The following FAM163A variants were observed in gnomAD, a reference collection of about 807,000 sequenced individuals.
The protein encoded by FAM163A is protein FAM163A.
FAM163A carries 7 observed loss-of-function variants against 12.0 expected under a neutral mutation model. The observed-to-expected ratio is 0.58, with a 90% confidence interval of 0.33 to 1.10. The LOEUF (loss-of-function observed/expected upper bound fraction) is 1.10, where lower values mean the gene tolerates loss of function less well. Ranked by LOEUF, FAM163A falls within the 50% of genes least tolerant of loss-of-function variation. The probability of loss-of-function intolerance (pLI) is 0.03; values close to 1 mark genes in which losing one functional copy is unlikely to be tolerated. For synonymous variants in FAM163A, 101 were observed against 91.0 expected (o/e 1.11, Z -0.62); for missense variants, 202 against 218.6 (o/e 0.92, Z 0.48).
At chr1:179,776,555 C>T (rs1418941645) in intron 1 of FAM163A, among the ~76,000 whole-genome samples, 2 of 151,834 alleles carry the variant, frequency 1.3e-5, no homozygotes, top group Non-Finnish European at 2.9e-5. Context: ...CACTTATGGC[C>T]ACTTATCCCC....
chr1:179,753,832 A>G (rs866424554), intron 1 of FAM163A, among the ~76,000 whole-genome samples: 1 of 152,188 alleles, frequency 6.6e-6, no homozygotes, highest in Non-Finnish European at 1.5e-5. Context: ...GAGAAAGATG[A>G]TAATATTGGA....
chr1:179,812,449 A>G (rs958109636), intron 3 of FAM163A, among the ~76,000 whole-genome samples: 1 of 152,114 alleles, frequency 6.6e-6, no homozygotes, highest in Admixed American at 6.5e-5. Context: ...TACCCCCAAA[A>G]GAAGTGCTGG....
At chr1:179,811,612 C>T (rs1418351454) in intron 2 of FAM163A, among the ~76,000 whole-genome samples, 3 of 152,156 alleles carry the variant, frequency 2.0e-5, no homozygotes, top group Admixed American at 6.5e-5. Flanking sequence ...GCCACACTGC[C>T]GGGCAGGTGC....
At chr1:179,741,986 T>C (rs956380607), upstream of FAM163A, 3 of 152,240 alleles carry the variant, frequency 2.0e-5, no homozygotes, top group Admixed American at 1.3e-4. Context: ...ACACGTCCTC[T>C]TCATATTTCA....
At chr1:179,787,495 C>A (rs557942338) in intron 1 of FAM163A, among the ~76,000 whole-genome samples, 14 of 152,296 alleles carry the variant, frequency 9.2e-5, no homozygotes, top group African/African-American at 3.4e-4. Context: ...AACGACATGA[C>A]CCTGAGAGCA....
intron 1 of FAM163A, among the ~76,000 whole-genome samples, chr1:179,803,715 C>T (rs1258038154): frequency 3.3e-5 from 5 of 151,978 alleles, no homozygotes; most frequent in African/African-American, 1.2e-4. Flanking sequence ...ATTACAGGCA[C>T]GTGCTACCAC....
At chr1:179,751,565 C>T (rs1195725802) in intron 1 of FAM163A, among the ~76,000 whole-genome samples, 1 of 152,096 alleles carries the variant, frequency 6.6e-6, no homozygotes, top group African/African-American at 2.4e-5. Flanking sequence ...ATGGAGGCTG[C>T]ACGTATAAAT....
upstream of FAM163A, among the ~76,000 whole-genome samples, chr1:179,740,955 T>C (rs1683566759): frequency 6.6e-6 from 1 of 152,206 alleles, no homozygotes; most frequent in African/African-American, 2.4e-5. Flanking sequence ...AAATCTACAA[T>C]TATCTCAAAA....
chr1:179,783,698 C>T (rs532154441), intron 1 of FAM163A, among the ~76,000 whole-genome samples: 40 of 118,786 alleles, frequency 3.4e-4, no homozygotes, highest in African/African-American at 1.3e-3. Context: ...CTGCCACACA[C>T]TTGGCACTTT....
chr1:179,802,400 T>C (rs1175191512), intron 1 of FAM163A, among the ~76,000 whole-genome samples: 1 of 152,188 alleles, frequency 6.6e-6, no homozygotes, highest in East Asian at 1.9e-4. Context: ...CAGTGCCACA[T>C]CTGGTCCTCT....
Position 179,784,800 on chromosome 1 carries a change from G to A in FAM163A, c.-135-22998G>A, listed in dbSNP as rs566137442. 1.1e-4 allele frequency among the ~76,000 whole-genome samples: 16 copies of A among 152,286 alleles called. 2 individuals carry two copies. In the South Asian group the frequency reaches 3.1e-3, roughly 30 times the overall value. On this transcript the variant is annotated intron_variant, in intron 1 of 4. Transcript: ENST00000341785. ...GCAGTGTATAAAATCTAGATGCTGG[G>A]GGTGTGGAGTATTCCTTCCAGTTCC...
At chr1:179,753,078 A>C (rs868462334) in intron 1 of FAM163A, among the ~76,000 whole-genome samples, 16 of 152,362 alleles carry the variant, frequency 1.1e-4, no homozygotes, top group African/African-American at 3.8e-4. Context: ...TTTTTAAAAA[A>C]TCCATGCATA....
At position 179,796,683 on chromosome 1, in the gene FAM163A, A is replaced by G. The variant is rs116645028; in HGVS notation, c.-135-11115A>G. Among the ~76,000 whole-genome samples, 1,107 of 152,210 alleles carry G rather than the reference A, an allele frequency of 7.3e-3. 10 individuals are homozygous for G. The highest frequency in any genetic ancestry group is 0.026 in the African/African-American group (1,061 of 41,506). On this transcript the variant is annotated intron_variant, in intron 1 of 4. Coordinates refer to ENST00000341785, the MANE Select transcript of FAM163A (RefSeq NM_173509.3). ...TCTGACCTTTCTAACATATAAACCC[A>G]AACAGCATGGTACCTCCCAACTTAC...
At chr1:179,770,030 C>T (rs1044429232) in intron 1 of FAM163A, among the ~76,000 whole-genome samples, 5 of 151,482 alleles carry the variant, frequency 3.3e-5, no homozygotes, top group South Asian at 2.1e-4. Context: ...CTCATCCTCC[C>T]GAGTAGCTGG....
chr1:179,752,515 C>A (rs1488930906), intron 1 of FAM163A, among the ~76,000 whole-genome samples: 1 of 151,100 alleles, frequency 6.6e-6, no homozygotes, highest in African/African-American at 2.4e-5. Context: ...GAAAAGGCAG[C>A]CTATGGGATG....
intron 1 of FAM163A, among the ~76,000 whole-genome samples, chr1:179,771,093 CT>C (rs1234742537): frequency 6.6e-6 from 1 of 152,144 alleles, no homozygotes; most frequent in Non-Finnish European, 1.5e-5. Context: ...CTCAAGCACA[CT>C]CTGCTGTTAG....
chr1:179,794,931 T>C (rs1251608405), intron 1 of FAM163A, among the ~76,000 whole-genome samples: 2 of 152,122 alleles, frequency 1.3e-5, no homozygotes, highest in African/African-American at 4.8e-5. Flanking sequence ...CACTGAGCCA[T>C]GAATCTAATC....
chr1:179,795,149 G>A (rs1344673658), intron 1 of FAM163A, among the ~76,000 whole-genome samples: 1 of 152,156 alleles, frequency 6.6e-6, no homozygotes, highest in African/African-American at 2.4e-5. Flanking sequence ...TCCTAAAGAG[G>A]ATAAAAAGCA....
chr1:179,794,359 A>G (rs1487503793), intron 1 of FAM163A, among the ~76,000 whole-genome samples: 1 of 152,226 alleles, frequency 6.6e-6, no homozygotes, highest in East Asian at 1.9e-4. Flanking sequence ...ATAACTATTA[A>G]TAGTACCCCC....
Sources: gnomAD v4.1 joint callset for allele counts (sites outside exome capture counted in the v4.1 genomes callset) on GRCh38, gnomAD v4.1.1 for gene constraint, MANE v1.5 for transcripts, NCBI Gene and HGNC (gene_info 2026-07-23, HGNC 2026-07-21) for gene names.